CEP70: variants seen among roughly 807,000 people sequenced by gnomAD.
The protein encoded by CEP70 is centrosomal protein 70.
CEP70 carries 70 observed loss-of-function variants against 90.9 expected under a neutral mutation model. The observed-to-expected ratio is 0.77, with a 90% CI of 0.64 to 0.94. The LOEUF (loss-of-function observed/expected upper bound fraction) is 0.94, where lower values mean the gene tolerates loss of function less well. Among genes scored for constraint, CEP70 ranks in the 40% least tolerant of loss-of-function variants. The pLI is 0.00. For missense variants in CEP70, 648 were observed against 669.0 expected (o/e 0.97, Z 0.35); for synonymous variants, 220 against 228.3 (o/e 0.96, Z 0.33).
intron 2 of CEP70, among the ~76,000 whole-genome samples, chr3:138,585,034 C>T (rs886812360): frequency 5.9e-5 from 9 of 151,952 alleles, no homozygotes; most frequent in African/African-American, 2.2e-4. Context: ...TGAAAAAGGA[C>T]TGGAATTGCT....
intron 11 of CEP70, 131 bp from the exon 12 acceptor site, chr3:138,508,675 A>C: frequency 1.5e-6 from 1 of 659,734 alleles, no homozygotes; most frequent in South Asian, 1.7e-5. Context: ...GTGTGTGTGC[A>C]CACATGTATG....
intron 6 of CEP70, among the ~76,000 whole-genome samples, chr3:138,548,140 C>T (rs951908139): frequency 1.3e-5 from 2 of 152,004 alleles, no homozygotes; most frequent in African/African-American, 2.4e-5. Context: ...ATTAGCAGGC[C>T]AAATTCAATA....
intron 13 of CEP70, among the ~76,000 whole-genome samples, chr3:138,504,309 G>A (rs868230050): frequency 6.6e-6 from 1 of 152,056 alleles, no homozygotes; most frequent in Admixed American, 6.6e-5. Flanking sequence ...TATATAAAAA[G>A]GGAAGTCGAA....
Position 138,591,921 on chromosome 3 carries a change from A to G in CEP70, c.-73T>C, listed in dbSNP as rs533044671. On this transcript the variant is annotated 5_prime_UTR_variant, in exon 2 of 18. It removes the in-frame stop codon of an upstream open reading frame in the 5' UTR. Transcript: ENST00000264982. ...TCAGGTTGATCTCAATGAAATGATC[A>G]CCCAACGAGTCTCATGTCTGAAACT... The G allele has an allele frequency of 1.3e-4, 168 of 1,334,314 alleles. 1 individual carries two copies. The highest frequency in any genetic ancestry group is 1.6e-4 in the Non-Finnish European group (164 of 998,448). The allele number at this position is 1,334,314 out of a possible 1,614,324, so 82.7% of individuals were successfully genotyped here.
rs576248723 is a variant in CEP70, at chr3:138,571,283, T to C, written c.143A>G (p.Lys48Arg). 2 of 1,609,440 alleles carry C rather than the reference T, an allele frequency of 1.2e-6. No homozygotes were observed. Among genetic ancestry groups the C allele is most frequent in the South Asian group, 2.2e-5 (2 of 90,114 alleles). Reference protein sequence around the residue: ...MHGLKPLSLVKRTDLKDLIIF... With the variant: ...MHGLKPLSLVRRTDLKDLIIF... ...CTAATTACCTTTGAGATCTGTTCTT[T>C]TGACTAGAGACAAAGGTTTTAAGCC... Residue 48 changes from lysine to arginine, a missense_variant, in exon 4 of 18, where the codon AAA (lysine) becomes AGA (arginine). Physicochemically the swap from Lys to Arg is conservative, Grantham distance 26. Coordinates refer to ENST00000264982, the MANE Select transcript of CEP70 (RefSeq NM_024491.4).
At chr3:138,505,184 A>G in intron 13 of CEP70, 111 bp downstream of exon 13, 2 of 855,816 alleles carry the variant, frequency 2.3e-6, no homozygotes, top group Non-Finnish European at 3.3e-6. Flanking sequence ...GTTAACACAC[A>G]AACAAAAAAA....
chr3:138,535,614 A>G lies in CEP70; in HGVS notation c.635+1564T>C, dbSNP rs557261011. Among the ~76,000 whole-genome samples, 5 of 152,238 alleles carry G rather than the reference A, an allele frequency of 3.3e-5. No homozygotes were observed. In the East Asian group the frequency reaches 9.6e-4, roughly 29 times the overall value. On this transcript the variant is annotated intron_variant, in intron 7 of 17. Transcript: ENST00000264982. ...CACAATTTTTCATTTCAGTGTCTCAAACTGAAAGTTTGCATTGACAAAAAT... is the reference window on the plus strand; with the variant it reads ...CACAATTTTTCATTTCAGTGTCTCAGACTGAAAGTTTGCATTGACAAAAAT...
chr3:138,508,101 A>G (rs1321868281), intron 12 of CEP70, among the ~76,000 whole-genome samples: 1 of 152,174 alleles, frequency 6.6e-6, no homozygotes, highest in Non-Finnish European at 1.5e-5. Flanking sequence ...GACCCTAAGA[A>G]AATAGATTTA....
chr3:138,542,507 T>C (rs1341037399), intron 6 of CEP70, among the ~76,000 whole-genome samples: 1 of 152,152 alleles, frequency 6.6e-6, no homozygotes, highest in Non-Finnish European at 1.5e-5. Context: ...GTTACAGCTG[T>C]TTCAGTCCCA....
chr3:138,525,374 C>T (rs1272125021), intron 11 of CEP70, 116 bp downstream of exon 11: 1 of 300,136 alleles, frequency 3.3e-6, no homozygotes, highest in Non-Finnish European at 5.7e-6. Flanking sequence ...TGTAACTAAC[C>T]TGCACGTTGT....
chr3:138,524,821 G>T lies in CEP70; in HGVS notation c.944+669C>A, dbSNP rs2037045442. Among the ~76,000 whole-genome samples, 3 of 152,312 alleles carry T rather than the reference G, an allele frequency of 2.0e-5. No individual in the cohort carries two copies. The East Asian group carries it at 5.8e-4, about 29-fold the overall frequency. On this transcript the variant is annotated intron_variant, in intron 11 of 17. Transcript: ENST00000264982. ...ACACTTTTACACTGTTGGTGGAACT[G>T]TAAACTAGTTCAACCATTGTGGAAG...
intron 6 of CEP70, among the ~76,000 whole-genome samples, chr3:138,539,097 C>A (rs903624526): frequency 1.2e-4 from 18 of 152,166 alleles, no homozygotes; most frequent in South Asian, 4.1e-4. Flanking sequence ...ACTGCAACTT[C>A]CACGTCCTGG....
At chr3:138,549,395 C>G (rs2039457411) in intron 6 of CEP70, among the ~76,000 whole-genome samples, 1 of 151,794 alleles carries the variant, frequency 6.6e-6, no homozygotes, top group Non-Finnish European at 1.5e-5. Context: ...TGAGACCGGC[C>G]TTTTGGATTG....
chr3:138,512,332 A>G (rs1361874391), intron 11 of CEP70, among the ~76,000 whole-genome samples: 2 of 152,174 alleles, frequency 1.3e-5, no homozygotes, highest in Non-Finnish European at 2.9e-5. Flanking sequence ...CCTTTCCTGA[A>G]GGCTATAAAT....
At chr3:138,542,830 G>A (rs1406411699) in intron 6 of CEP70, among the ~76,000 whole-genome samples, 10 of 152,198 alleles carry the variant, frequency 6.6e-5, no homozygotes, top group Non-Finnish European at 1.5e-4. Context: ...CAACTGGAAG[G>A]TGAGCAAGGT....
chr3:138,512,042 T>A (rs1375653078), intron 11 of CEP70, among the ~76,000 whole-genome samples: 1 of 152,144 alleles, frequency 6.6e-6, no homozygotes, highest in African/African-American at 2.4e-5. Flanking sequence ...GTTGGACAGA[T>A]CAAGCATGTC....
intron 11 of CEP70, among the ~76,000 whole-genome samples, chr3:138,520,727 A>G (rs924433210): frequency 2.6e-5 from 4 of 152,222 alleles, no homozygotes; most frequent in African/African-American, 7.2e-5. Context: ...CACAAGAGAA[A>G]GCAGGAAAGA....
At chr3:138,524,326 A>G (rs994205614) in intron 11 of CEP70, among the ~76,000 whole-genome samples, 1 of 152,016 alleles carries the variant, frequency 6.6e-6, no homozygotes, top group Non-Finnish European at 1.5e-5. Flanking sequence ...CAAGGACTTC[A>G]TGTCTAAAAC....
intron 11 of CEP70, among the ~76,000 whole-genome samples, chr3:138,515,466 GCAA>G (rs1172478937): frequency 9.3e-5 from 2 of 21,592 alleles, no homozygotes; most frequent in African/African-American, 3.9e-4. Flanking sequence ...GCATAGAAAT[GCAA>G]AAAAAAAAAA....
Sources: gnomAD v4.1 joint callset for allele counts (sites outside exome capture counted in the v4.1 genomes callset) on GRCh38, gnomAD v4.1.1 for gene constraint, MANE v1.5 for transcripts, NCBI Gene and HGNC (gene_info 2026-07-23, HGNC 2026-07-21) for gene names.